The following LRRC7 variants were observed in gnomAD, a reference collection of about 807,000 sequenced individuals.
LRRC7 encodes leucine rich repeat containing 7.
In LRRC7, 23 loss-of-function variants were observed where a neutral mutation model predicts 175.7. That is an observed-to-expected ratio of 0.13 (90% CI 0.09 to 0.19). LRRC7 has a LOEUF of 0.19. Among genes scored for constraint, LRRC7 ranks in the 10% least tolerant of loss-of-function variants. The probability of loss-of-function intolerance (pLI) is 1.00; values close to 1 mark genes in which losing one functional copy is unlikely to be tolerated. For missense variants in LRRC7, 1,354 were observed against 1,904.7 expected, an observed-to-expected ratio of 0.71 and a Z score of 5.38; for synonymous variants, 685 against 680.9, an observed-to-expected ratio of 1.01 and a Z score of -0.09.
chr1:70,001,865 G>A (rs1006684878), intron 11 of LRRC7, among the ~76,000 whole-genome samples: 5 of 151,940 alleles, frequency 3.3e-5, no homozygotes, highest in African/African-American at 1.2e-4. Context: ...TTCTTTACAG[G>A]TATTATCTTA....
chr1:69,851,387 T>A (rs762376306), intron 7 of LRRC7, among the ~76,000 whole-genome samples: 1 of 152,040 alleles, frequency 6.6e-6, no homozygotes, highest in Non-Finnish European at 1.5e-5. Context: ...TAGATCTTAG[T>A]GGAGCATACT....
intron 7 of LRRC7, among the ~76,000 whole-genome samples, chr1:69,889,149 T>A (rs997216184): frequency 6.6e-6 from 1 of 152,238 alleles, no homozygotes; most frequent in Non-Finnish European, 1.5e-5. Context: ...ATATTTTTGT[T>A]GATAGAGGGT....
At chr1:69,666,672 T>A (rs1220539071) in intron 1 of LRRC7, among the ~76,000 whole-genome samples, 1 of 152,066 alleles carries the variant, frequency 6.6e-6, no homozygotes, top group African/African-American at 2.4e-5. Context: ...TCTCCTTTTT[T>A]ATCTCTGATT....
At chr1:69,855,042 T>C (rs1435356859) in intron 7 of LRRC7, among the ~76,000 whole-genome samples, 1 of 152,208 alleles carries the variant, frequency 6.6e-6, no homozygotes, top group Admixed American at 6.6e-5. Context: ...ATATGATATA[T>C]GAATTATACC....
At chr1:70,098,271 A>G (rs1240141788) in intron 25 of LRRC7, among the ~76,000 whole-genome samples, 6 of 152,134 alleles carry the variant, frequency 3.9e-5, no homozygotes, top group East Asian at 1.9e-4. Context: ...TTTGAAACCA[A>G]CGAGAACAAA....
chr1:70,035,625 C>CAAA (rs765207825), intron 18 of LRRC7, among the ~76,000 whole-genome samples: 2,309 of 71,442 alleles, frequency 0.032, 136 homozygotes, highest in African/African-American at 0.087. Context: ...TAGGGATGCA[C>CAAA]AAAAAAAAAA....
rs578027718 is a variant in LRRC7, at chr1:69,950,875, T to C, written c.711+19305T>C. On this transcript the variant is annotated intron_variant, in intron 8 of 26. Transcript: ENST00000651989. ...TGTAATCTGGATGCTTTGGGCATAA[T>C]GTTAGAATTGAAATAAGAATATAGG... 3.3e-5 allele frequency among the ~76,000 whole-genome samples: 5 copies of C among 152,176 alleles called. No homozygotes were observed. The East Asian group carries it at 9.7e-4, about 29-fold the overall frequency.
rs191244550 is a variant in LRRC7, at chr1:69,612,443, T to C, written c.2+43802T>C. ...GGTTACTGGACATTCTGCTGTATGC[T>C]TTAATATACTGGGTTTTATTACTAG... is the stretch of plus-strand genomic sequence containing the variant. On this transcript the variant is annotated intron_variant, in intron 1 of 26. Coordinates refer to ENST00000651989, the MANE Select transcript of LRRC7 (RefSeq NM_001370785.2). 2.0e-3 allele frequency among the ~76,000 whole-genome samples: 306 copies of C among 152,156 alleles called. 1 individual carries two copies. The highest frequency in any genetic ancestry group is 7.0e-3 in the African/African-American group (289 of 41,548).
intron 18 of LRRC7, among the ~76,000 whole-genome samples, chr1:70,035,761 A>AC (rs1405733016): frequency 1.3e-5 from 2 of 152,018 alleles, no homozygotes; most frequent in Non-Finnish European, 2.9e-5. Context: ...TATATGGCTT[A>AC]TCATAATTCA....
chr1:69,888,742 C>T (rs945867765), intron 7 of LRRC7, among the ~76,000 whole-genome samples: 13 of 151,846 alleles, frequency 8.6e-5, no homozygotes, highest in East Asian at 3.9e-4. Context: ...AGACAGAAGC[C>T]GAGAGTAGAA....
At chr1:69,579,940 G>T (rs1450866387) in intron 1 of LRRC7, among the ~76,000 whole-genome samples, 1 of 151,868 alleles carries the variant, frequency 6.6e-6, no homozygotes, top group African/African-American at 2.4e-5. Flanking sequence ...GGCCTGAATA[G>T]AAGTGTTTAT....
At chr1:69,573,495 A>G (rs1057196467) in intron 1 of LRRC7, among the ~76,000 whole-genome samples, 1 of 152,186 alleles carries the variant, frequency 6.6e-6, no homozygotes, top group African/African-American at 2.4e-5. Flanking sequence ...CACGACAGAA[A>G]TTTAATAATC....
chr1:69,781,328 C>T (rs1035429308), intron 3 of LRRC7, among the ~76,000 whole-genome samples: 1 of 151,872 alleles, frequency 6.6e-6, no homozygotes, highest in Non-Finnish European at 1.5e-5. Context: ...TGTCAGTTCT[C>T]ACCATTATCT....
chr1:69,574,364 A>G (rs1645860620), intron 1 of LRRC7, among the ~76,000 whole-genome samples: 1 of 152,156 alleles, frequency 6.6e-6, no homozygotes, highest in African/African-American at 2.4e-5. Context: ...GAGCTGCTAG[A>G]CAAGTCACTG....
rs373980992 is a variant in LRRC7 at position 69,777,338 on chromosome 1, C to G, written c.304-14705C>G. ...ATAGGGAGGCCAAGAAAGGCAAGAA[C>G]TGTATAATCCATTCGACCAGGCAAT... is the stretch of plus-strand genomic sequence containing the variant. On this transcript the variant is annotated intron_variant, in intron 3 of 26. Transcript: ENST00000651989. 4.5e-4 allele frequency among the ~76,000 whole-genome samples: 68 copies of G among 152,320 alleles called. 1 individual carries two copies. The South Asian group carries it at 0.013, about 30-fold the overall frequency.
At chr1:69,844,551 A>G (rs1204294299) in intron 7 of LRRC7, among the ~76,000 whole-genome samples, 1 of 152,120 alleles carries the variant, frequency 6.6e-6, no homozygotes, top group Non-Finnish European at 1.5e-5. Context: ...TCCGCTATAT[A>G]CATACATACC....
At chr1:69,990,143 G>T (rs1654297772) in intron 10 of LRRC7, among the ~76,000 whole-genome samples, 2 of 152,052 alleles carry the variant, frequency 1.3e-5, no homozygotes, top group South Asian at 4.1e-4. Context: ...CAGAAGGAAG[G>T]AAGTGAATGC....
chr1:69,716,120 T>C (rs1665319431), intron 2 of LRRC7: 1 of 420,324 alleles, frequency 2.4e-6, no homozygotes, highest in African/African-American at 2.1e-5. Context: ...TGAAATTTTT[T>C]AAATTTTCTT....
chr1:69,742,307 T>G (rs1423187895), intron 2 of LRRC7, among the ~76,000 whole-genome samples: 4 of 152,014 alleles, frequency 2.6e-5, no homozygotes, highest in African/African-American at 9.7e-5. Flanking sequence ...GAATGAGGAT[T>G]TCTTGACATC....
Sources: gnomAD v4.1 joint callset for allele counts (sites outside exome capture counted in the v4.1 genomes callset) on GRCh38, gnomAD v4.1.1 for gene constraint, MANE v1.5 for transcripts, NCBI Gene and HGNC (gene_info 2026-07-23, HGNC 2026-07-21) for gene names.